Variants in MSN observed in about 807,000 individuals in gnomAD.
The protein encoded by MSN is epididymis luminal protein 70.
MSN carries 2 observed loss-of-function variants against 48.0 expected under a neutral mutation model. The ratio of observed to expected loss-of-function variants is 0.04; its 90% CI spans 0.02 to 0.13. MSN has a LOEUF of 0.13. Among genes scored for constraint, MSN ranks in the 10% least tolerant of loss-of-function variants. The pLI is 1.00. For missense variants in MSN, 267 were observed against 470.1 expected (o/e 0.57, Z 3.99); for synonymous variants, 146 against 166.9 (o/e 0.87, Z 0.97).
chrX:65,724,038 CT>C (rs1195274042), intron 2 of MSN, among the ~76,000 whole-genome samples: 282 of 101,665 alleles, frequency 2.8e-3, no homozygotes, highest in Non-Finnish European at 2.4e-3. Context: ...TGAATTCTCT[CT>C]TTTTTTTTTT....
chrX:65,595,775 G>A (rs2070182073), intron 1 of MSN, among the ~76,000 whole-genome samples: 2 of 112,430 alleles, frequency 1.8e-5, no homozygotes, highest in Admixed American at 1.9e-4. Context: ...ATATCCTCAT[G>A]ATAAAGATAG....
intron 1 of MSN, among the ~76,000 whole-genome samples, chrX:65,616,292 TG>T (rs1389242851): frequency 3.9e-5 from 4 of 101,349 alleles, no homozygotes; most frequent in Non-Finnish European, 8.0e-5. Context: ...TAAATTACCT[TG>T]GGCAGTATGG....
At chrX:65,705,828 T>A (rs1451864075) in intron 1 of MSN, among the ~76,000 whole-genome samples, 1 of 111,844 alleles carries the variant, frequency 8.9e-6, no homozygotes, top group African/African-American at 3.3e-5. Flanking sequence ...GGGACCCTTG[T>A]CTCTGACGCC....
intron 1 of MSN, among the ~76,000 whole-genome samples, chrX:65,672,811 A>G (rs1239712521): frequency 1.8e-5 from 2 of 111,381 alleles, no homozygotes; most frequent in Non-Finnish European, 3.8e-5. Flanking sequence ...GTTTTTGAGA[A>G]TCTTGATGGT....
intron 1 of MSN, among the ~76,000 whole-genome samples, chrX:65,647,986 A>G (rs2070707374): frequency 9.0e-6 from 1 of 111,408 alleles, no homozygotes; most frequent in Non-Finnish European, 1.9e-5. Context: ...GATGTGGGAA[A>G]ATCAGTTAGG....
At chrX:65,704,662 A>G (rs1259599152) in intron 1 of MSN, among the ~76,000 whole-genome samples, 1 of 96,296 alleles carries the variant, frequency 1.0e-5, no homozygotes, top group East Asian at 2.8e-4. Context: ...AGCCTCCTCC[A>G]CATAGTTTTT....
rs1312168789 is a variant in MSN, at chrX:65,729,669, C to CATA, written c.426_428dup (p.His142_Lys143insAsn). The stretch of plus-strand genomic sequence containing the variant: ...GTATGGCGACTTCAATAAGGAAGTG[C>CATA]ATAAGTCTGGCTACCTGGCCGGAGA... On this transcript the variant is annotated inframe_insertion, in exon 4 of 13. Coordinates refer to ENST00000360270, the MANE Select transcript of MSN (RefSeq NM_002444.3). The CATA allele has an allele frequency of 8.3e-7, 1 of 1,211,470 alleles. No homozygotes were observed. Among genetic ancestry groups the CATA allele is most frequent in the Non-Finnish European group, 1.1e-6 (1 of 895,353 alleles).
At chrX:65,675,853 G>T (rs1428644643) in intron 1 of MSN, among the ~76,000 whole-genome samples, 1 of 111,463 alleles carries the variant, frequency 9.0e-6, no homozygotes, top group Non-Finnish European at 1.9e-5. Context: ...GGCCAGGCTG[G>T]TCTTGAACTT....
intron 1 of MSN, among the ~76,000 whole-genome samples, chrX:65,601,815 C>T (rs1382435596): frequency 8.9e-6 from 1 of 112,539 alleles, no homozygotes; most frequent in Non-Finnish European, 1.9e-5. Context: ...TTCACTTCCT[C>T]AGTCTATCTG....
chrX:65,613,876 T>G (rs2070343125), intron 1 of MSN, among the ~76,000 whole-genome samples: 1 of 112,245 alleles, frequency 8.9e-6, no homozygotes, highest in Non-Finnish European at 1.9e-5. Flanking sequence ...GTTAGTTTAA[T>G]TAGATCCCAT....
intron 1 of MSN, among the ~76,000 whole-genome samples, chrX:65,623,671 G>A (rs2070476067): frequency 9.1e-6 from 1 of 109,460 alleles, no homozygotes; most frequent in Non-Finnish European, 1.9e-5. Context: ...ATTACCTGGG[G>A]CATGGTGGCA....
intron 1 of MSN, among the ~76,000 whole-genome samples, chrX:65,700,339 G>A (rs1416183501): frequency 9.0e-6 from 1 of 111,642 alleles, no homozygotes; most frequent in Non-Finnish European, 1.9e-5. Flanking sequence ...TTTCTGTCAG[G>A]TATTTGTGAA....
intron 2 of MSN, among the ~76,000 whole-genome samples, chrX:65,720,193 G>T (rs1287064881): frequency 8.9e-6 from 1 of 112,190 alleles, no homozygotes. Flanking sequence ...CTGCCTCTGT[G>T]AGGTGAAAGA....
At chrX:65,640,598 C>T (rs1039430950) in intron 1 of MSN, among the ~76,000 whole-genome samples, 4 of 111,171 alleles carry the variant, frequency 3.6e-5, no homozygotes, top group African/African-American at 1.3e-4. Flanking sequence ...TGTGGGATAA[C>T]ACTAGCTTCT....
intron 6 of MSN, among the ~76,000 whole-genome samples, chrX:65,732,899 A>AC (rs1348652083): frequency 2.7e-5 from 3 of 111,648 alleles, no homozygotes; most frequent in Non-Finnish European, 5.7e-5. Context: ...CTGAGCTGTC[A>AC]CTGAGTCTAC....
chrX:65,614,679 CTTTTA>C (rs2070351390), intron 1 of MSN, among the ~76,000 whole-genome samples: 1 of 90,839 alleles, frequency 1.1e-5, no homozygotes, highest in Non-Finnish European at 2.1e-5. Flanking sequence ...TTTTTTTTTT[CTTTTA>C]TTTATTTATT....
chrX:65,612,108 A>G (rs967709211), intron 1 of MSN, among the ~76,000 whole-genome samples: 8 of 111,932 alleles, frequency 7.1e-5, no homozygotes, highest in Non-Finnish European at 1.3e-4. Flanking sequence ...TTACTCCCCA[A>G]TGCAACAATT....
In MSN at chrX:65,727,914, C is replaced by A; in HGVS notation, c.192+5C>A. 1 of 1,175,285 alleles carries A rather than the reference C, an allele frequency of 8.5e-7. No individual in the cohort carries two copies. Among genetic ancestry groups the A allele is most frequent in the Non-Finnish European group, 1.2e-6 (1 of 862,895 alleles). On this transcript the variant is annotated splice_donor_5th_base_variant and intron_variant, in intron 3 of 12. Coordinates refer to ENST00000360270, the MANE Select transcript of MSN (RefSeq NM_002444.3). ...TGGCTGAAACTCAATAAGAAGGTAA[C>A]TGCTTATTCCTCTGTTGGATTTAGA...
intron 1 of MSN, among the ~76,000 whole-genome samples, chrX:65,710,325 C>T (rs1386634948): frequency 1.8e-5 from 2 of 111,620 alleles, no homozygotes; most frequent in African/African-American, 6.5e-5. Flanking sequence ...GATCAGGGAC[C>T]GGTTCTACTG....
Sources: gnomAD v4.1 joint callset for allele counts (sites outside exome capture counted in the v4.1 genomes callset) on GRCh38, gnomAD v4.1.1 for gene constraint, MANE v1.5 for transcripts, NCBI Gene and HGNC (gene_info 2026-07-23, HGNC 2026-07-21) for gene names.